The following VPS51 variants were observed in gnomAD, a reference collection of about 807,000 sequenced individuals.
The protein encoded by VPS51 is vacuolar protein sorting-associated protein 51 homolog.
VPS51 carries 55 observed loss-of-function variants against 65.1 expected under a neutral mutation model. The observed-to-expected ratio is 0.84, with a 90% CI of 0.68 to 1.06. The LOEUF is 1.06. Ranked by LOEUF, VPS51 falls within the 50% of genes least tolerant of loss-of-function variation. The pLI is 0.00. For synonymous variants in VPS51, 473 were observed against 489.5 expected (o/e 0.97, Z 0.44); for missense variants, 943 against 1,101.6 (o/e 0.86, Z 2.04).
rs79497867 is a variant in VPS51 at position 65,103,631 on chromosome 11, C to T, written c.359-3950C>T. Among the ~76,000 whole-genome samples, 214 of 152,046 alleles carry T rather than the reference C, an allele frequency of 1.4e-3. 5 individuals are homozygous for T. Among genetic ancestry groups the T allele is most frequent in the Admixed American group, 0.01 (159 of 15,258 alleles). ...CATCAATGCTTTTCTCCTTACTCACCCTTCCAGCTGTCTCCCCAAGTGGGG... is the reference window on the plus strand; with the variant it reads ...CATCAATGCTTTTCTCCTTACTCACTCTTCCAGCTGTCTCCCCAAGTGGGG... On this transcript the variant is annotated intron_variant, in intron 2 of 9. Transcript: ENST00000279281.
At position 65,107,574 on chromosome 11, in the gene VPS51, C is replaced by G; in HGVS notation, c.359-7C>G. On this transcript the variant is annotated splice_polypyrimidine_tract_variant and splice_region_variant and intron_variant, in intron 2 of 9. Coordinates refer to ENST00000279281, the MANE Select transcript of VPS51 (RefSeq NM_013265.4). This position sits in a 1 kb window ranked among gnomAD's most constrained non-coding sequence, Gnocchi z 4.0. ...CTCTCCCCTTTTCCCCGCCCCTGCC[C>G]TCCTAGACACCATCCGGAAGATGAA... 2 of 1,578,454 alleles carry G rather than the reference C, an allele frequency of 1.3e-6. No homozygotes were observed. Among genetic ancestry groups the G allele is most frequent in the Non-Finnish European group, 1.7e-6 (2 of 1,154,574 alleles).
At chr11:65,104,204 C>T (rs1007805798) in intron 2 of VPS51, among the ~76,000 whole-genome samples, 1 of 152,264 alleles carries the variant, frequency 6.6e-6, no homozygotes, top group African/African-American at 2.4e-5. Context: ...GCTGGGATTA[C>T]AGGCATGAGC....
At chr11:65,103,262 A>G (rs1362773891) in intron 2 of VPS51, among the ~76,000 whole-genome samples, 1 of 152,196 alleles carries the variant, frequency 6.6e-6, no homozygotes. Context: ...GAAACTCAAA[A>G]TAATTATGAT....
rs375813533 is a variant in VPS51, at chr11:65,111,452, C to T, written c.2214C>T (p.Tyr738=). 33 of 1,613,856 alleles carry T rather than the reference C, an allele frequency of 2.0e-5. No homozygotes were observed. The African/African-American group carries it at 4.3e-4, about 21-fold the overall frequency. Residue 738 remains tyrosine (Y), a synonymous_variant, in exon 10 of 10, where the codon TAC becomes TAT. Coordinates refer to ENST00000279281, the MANE Select transcript of VPS51 (RefSeq NM_013265.4). Reference sequence around the variant, plus strand: ...TGGACTGCCACTTTCTGCAGCTCTACCTGTGGCGTTTTGTGGCCGACGAAG... The same window carrying T: ...TGGACTGCCACTTTCTGCAGCTCTATCTGTGGCGTTTTGTGGCCGACGAAG... ...VQVDCHFLQL[Y]LWRFVADEEL...
intron 4 of VPS51, 61 bp downstream of exon 4, chr11:65,108,083 G>A: frequency 6.7e-7 from 1 of 1,496,126 alleles, no homozygotes; most frequent in Non-Finnish European, 8.9e-7. Flanking sequence ...TCTGTGCCCG[G>A]CTCCTGGGCC....
At chr11:65,103,579 G>A (rs1289744213) in intron 2 of VPS51, among the ~76,000 whole-genome samples, 1 of 151,576 alleles carries the variant, frequency 6.6e-6, no homozygotes, top group African/African-American at 2.4e-5. Context: ...TGCATTTTTT[G>A]TTTCTGTTTG....
At chr11:65,103,271 A>AT (rs1380867889) in intron 2 of VPS51, among the ~76,000 whole-genome samples, 2 of 152,184 alleles carry the variant, frequency 1.3e-5, no homozygotes, top group African/African-American at 2.4e-5. Flanking sequence ...AATAATTATG[A>AT]TTTCCCCAAC....
intron 2 of VPS51, among the ~76,000 whole-genome samples, chr11:65,101,623 T>C (rs536339598): frequency 6.6e-6 from 1 of 151,232 alleles, no homozygotes; most frequent in South Asian, 2.1e-4. Flanking sequence ...AAAAATTAGC[T>C]GGGTGTGGTG....
chr11:65,096,517 G>A, intron 1 of VPS51, 39 bp downstream of exon 1: 2 of 982,328 alleles, frequency 2.0e-6, no homozygotes, highest in Non-Finnish European at 1.5e-6. Context: ...CGGGGAGGGG[G>A]GAAGGGAACC....
At chr11:65,105,544 A>G (rs944336173) in intron 2 of VPS51, 1 of 152,114 alleles carries the variant, frequency 6.6e-6, no homozygotes. Flanking sequence ...CTGTGACCAA[A>G]TGTGTTGGGT....
At position 65,107,872 on chromosome 11, in the gene VPS51, A is replaced by G; in HGVS notation, c.575A>G (p.Glu192Gly). ...CCCTCGCGCCTCACCAAGTGCGTGG[A>G]ACTGGGCGCCTATGGGCAGGCGGTG... ...ELPSRLTKCV[E>G]LGAYGQAVRY... The change falls in exon 4 of 10, where the codon GAA becomes GGA. Residue 192 changes from glutamate (E) to glycine (G), a missense_variant. Glu to Gly is a moderately conservative substitution (Grantham distance 98). This residue lies in a region of VPS51 where 855 missense variants were observed against 953.7 expected (regional missense o/e 0.90). Coordinates refer to ENST00000279281, the MANE Select transcript of VPS51 (RefSeq NM_013265.4). The surrounding 1 kb of genome is among the most constrained non-coding windows in gnomAD (Gnocchi z 4.0). 6.4e-7 allele frequency: 1 copy of G among 1,551,602 alleles called. No individual in the cohort carries two copies. Among genetic ancestry groups the G allele is most frequent in the African/African-American group, 1.4e-5 (1 of 73,262 alleles).
Position 65,109,829 on chromosome 11 carries a change from T to C in VPS51, c.1784T>C (p.Val595Ala), listed in dbSNP as rs763016414. The C allele has an allele frequency of 1.2e-6, 2 of 1,611,842 alleles. No individual in the cohort carries two copies. The highest frequency in any genetic ancestry group is 1.1e-5 in the South Asian group (1 of 90,426). ...LVISQMLRKS[V>A]ETRDWLSTLE... is the part of the protein sequence containing the mutation. ...ATATCACAGATGCTGCGCAAGAGCGTGGAGACTCGCGACTGGCTCAGCACT... is the reference window on the plus strand; with the variant it reads ...ATATCACAGATGCTGCGCAAGAGCGCGGAGACTCGCGACTGGCTCAGCACT... The change falls in exon 7 of 10, where the codon GTG becomes GCG. Residue 595 changes from valine to alanine, a missense_variant. Transcript: ENST00000279281.
intron 2 of VPS51, among the ~76,000 whole-genome samples, chr11:65,103,093 G>T (rs1241965524): frequency 6.6e-6 from 1 of 152,212 alleles, no homozygotes; most frequent in Non-Finnish European, 1.5e-5. Context: ...GTTCAAGGCT[G>T]CAGTAAGCTG....
chr11:65,096,505 T>TTGGGGGGGTGGGGGGGGG, intron 1 of VPS51, 27 bp downstream of exon 1: 1 of 371,844 alleles, frequency 2.7e-6, no homozygotes, highest in Non-Finnish European at 4.6e-6. Flanking sequence ...AGTGGGGGGG[T>TTGGGGGGGTGGGGGGGGG]GCGGGGAGGG....
chr11:65,107,556 CT>C lies in VPS51; in HGVS notation c.359-21del. 6.4e-7 allele frequency: 1 copy of C among 1,561,248 alleles called. No homozygotes were observed. Among genetic ancestry groups the C allele is most frequent in the Non-Finnish European group, 8.7e-7 (1 of 1,146,174 alleles). The stretch of plus-strand genomic sequence containing the variant: ...CCGCCCTGCAGTCACCTGCTCTCCC[CT>C]TTTCCCCGCCCCTGCCCTCCTAGAC... On this transcript the variant is annotated intron_variant, in intron 2 of 9. Coordinates refer to ENST00000279281, the MANE Select transcript of VPS51 (RefSeq NM_013265.4). The surrounding 1 kb of genome is among the most constrained non-coding windows in gnomAD (Gnocchi z 4.0).
In VPS51 at chr11:65,108,234, G is replaced by T. The variant is rs1401467535; in HGVS notation, c.763G>T (p.Val255Leu). ...AGGCGCCCCGGAGCAGGCAGAGTGC[G>T]TGGAGCTGCTGCTGGCCCTGGGCGA... ...GSGAPEQAECVELLLALGEPA... is the reference protein window; with the variant it reads ...GSGAPEQAECLELLLALGEPA... The change falls in exon 5 of 10, where the codon GTG becomes TTG. Residue 255 changes from valine to leucine, a missense_variant. Val to Leu is a conservative substitution (Grantham distance 32). Transcript: ENST00000279281. 1 of 1,600,212 alleles carries T rather than the reference G, an allele frequency of 6.2e-7. No homozygotes were observed. Among genetic ancestry groups the T allele is most frequent in the Non-Finnish European group, 8.5e-7 (1 of 1,175,306 alleles).
chr11:65,111,262 G>C, intron 9 of VPS51, 65 bp from the exon 10 acceptor site: 3 of 1,596,362 alleles, frequency 1.9e-6, no homozygotes, highest in Admixed American at 3.3e-5. Context: ...CCCCTGCTTG[G>C]AACTTGGGTG....
At position 65,107,639 on chromosome 11, in the gene VPS51, G is replaced by A; in HGVS notation, c.417G>A (p.Leu139=). ...AGATGGAGGATGAGATGGACCGGCTGGCCACCAACATGGCAGTGATCACCG... is the reference window on the plus strand; with the variant it reads ...AGATGGAGGATGAGATGGACCGGCTAGCCACCAACATGGCAGTGATCACCG... ...FRKMEDEMDR[L]ATNMAVITDF... is the part of the protein sequence containing the mutation. Residue 139 remains leucine, a synonymous_variant, in exon 3 of 10, where the codon CTG becomes CTA. Coordinates refer to ENST00000279281, the MANE Select transcript of VPS51 (RefSeq NM_013265.4). This position sits in a 1 kb window ranked among gnomAD's most constrained non-coding sequence, Gnocchi z 4.0. 2.5e-6 allele frequency: 4 copies of A among 1,605,296 alleles called. No homozygotes were observed. Among genetic ancestry groups the A allele is most frequent in the Non-Finnish European group, 3.4e-6 (4 of 1,172,918 alleles).
chr11:65,110,430 T>G, intron 7 of VPS51, 52 bp from the exon 8 acceptor site: 2 of 1,613,068 alleles, frequency 1.2e-6, no homozygotes, highest in Non-Finnish European at 1.7e-6. Flanking sequence ...ACCGATGGGC[T>G]GGTGGTTTCC....
Sources: allele counts gnomAD v4.1 joint callset (sites outside exome capture counted in the v4.1 genomes callset), GRCh38; gene constraint gnomAD v4.1.1; regional missense constraint gnomAD v4.1.1; non-coding constraint Gnocchi (gnomAD v3.1); transcripts MANE v1.5; gene names NCBI Gene and HGNC (gene_info 2026-07-23, HGNC 2026-07-21).